The following TRAPPC9 variants were observed in gnomAD, a reference collection of about 807,000 sequenced individuals.
The protein encoded by TRAPPC9 is IKK2 binding protein.
Under a neutral mutation model 124.0 loss-of-function variants are expected in TRAPPC9, and 83 were observed. The ratio of observed to expected loss-of-function variants is 0.67; its 90% CI spans 0.56 to 0.80. The LOEUF (loss-of-function observed/expected upper bound fraction) is 0.80, where lower values mean the gene tolerates loss of function less well. Ranked by LOEUF, TRAPPC9 falls within the 30% of genes least tolerant of loss-of-function variation. TRAPPC9 has a pLI of 0.00. For missense variants in TRAPPC9, 1,302 were observed against 1,508.3 expected (o/e 0.86, Z 2.27); for synonymous variants, 638 against 617.5 (o/e 1.03, Z -0.49).
chr8:139,923,622 G>A (rs62526981), intron 19 of TRAPPC9, among the ~76,000 whole-genome samples: 37,655 of 152,138 alleles, frequency 0.25, 4,797 homozygotes, highest in East Asian at 0.39. Flanking sequence ...GACGAAGCAC[G>A]TCTGAGGAGG....
chr8:139,994,661 T>G (rs974296157), intron 18 of TRAPPC9, among the ~76,000 whole-genome samples: 1 of 152,180 alleles, frequency 6.6e-6, no homozygotes, highest in Non-Finnish European at 1.5e-5. Flanking sequence ...GTGAGTCTCT[T>G]GACATTAACA....
At chr8:140,123,639 C>G (rs554313862) in intron 17 of TRAPPC9, among the ~76,000 whole-genome samples, 1 of 152,370 alleles carries the variant, frequency 6.6e-6, no homozygotes, top group East Asian at 1.9e-4. Flanking sequence ...ATGTACTTCT[C>G]GCACATCACT....
At chr8:140,323,666 A>G (rs2066658819) in intron 9 of TRAPPC9, among the ~76,000 whole-genome samples, 1 of 152,216 alleles carries the variant, frequency 6.6e-6, no homozygotes, top group Non-Finnish European at 1.5e-5. Flanking sequence ...TCATGTTGAG[A>G]GAACAGAAAA....
At chr8:140,068,811 A>G (rs555978717) in intron 17 of TRAPPC9, among the ~76,000 whole-genome samples, 67 of 152,346 alleles carry the variant, frequency 4.4e-4, no homozygotes, top group African/African-American at 1.6e-3. Context: ...AATAAATTAA[A>G]TCAGTGAGTA....
At chr8:139,980,976 A>G (rs1043711374) in intron 19 of TRAPPC9, among the ~76,000 whole-genome samples, 5 of 152,210 alleles carry the variant, frequency 3.3e-5, no homozygotes, top group African/African-American at 1.2e-4. Flanking sequence ...TGGAAAGCCA[A>G]TCAAGTCATC....
At chr8:140,283,160 C>CCT (rs1228676019) in intron 14 of TRAPPC9, among the ~76,000 whole-genome samples, 30 of 151,892 alleles carry the variant, frequency 2.0e-4, no homozygotes, top group African/African-American at 6.5e-4. Flanking sequence ...ATCGCTTGAA[C>CCT]CTGGGAGGTG....
At chr8:140,370,823 C>T (rs1051261272) in intron 8 of TRAPPC9, 141 bp downstream of exon 8, 7 of 899,506 alleles carry the variant, frequency 7.8e-6, no homozygotes, top group Non-Finnish European at 1.3e-5. Context: ...ACAGCAGGCA[C>T]CCAACTCCAG....
chr8:139,803,309 C>G (rs963310647), intron 21 of TRAPPC9, among the ~76,000 whole-genome samples: 3 of 152,260 alleles, frequency 2.0e-5, no homozygotes, highest in African/African-American at 7.2e-5. Context: ...GTTGGAAACT[C>G]TAGAGCGGCG....
intron 17 of TRAPPC9, among the ~76,000 whole-genome samples, chr8:140,111,122 A>T (rs1297625219): frequency 6.7e-6 from 1 of 149,722 alleles, no homozygotes; most frequent in African/African-American, 2.5e-5. Flanking sequence ...CCCTTTATTC[A>T]ACTGTCCCCA....
At chr8:140,458,432 G>T (rs2071787076), upstream of TRAPPC9, 13 of 1,585,816 alleles carry the variant, frequency 8.2e-6, no homozygotes, top group Non-Finnish European at 1.1e-5. Flanking sequence ...CCACGTGGGT[G>T]GGTGACCGTG....
At chr8:140,280,939 T>C (rs2065295902) in intron 14 of TRAPPC9, among the ~76,000 whole-genome samples, 1 of 152,220 alleles carries the variant, frequency 6.6e-6, no homozygotes, top group South Asian at 2.1e-4. Context: ...GCAGCTCGCC[T>C]CTGAGGCTGG....
chr8:140,170,808 G>A (rs1228162996), intron 17 of TRAPPC9, among the ~76,000 whole-genome samples: 1 of 152,172 alleles, frequency 6.6e-6, no homozygotes, highest in Non-Finnish European at 1.5e-5. Context: ...CGCTACTCCT[G>A]TGCTGGGGTG....
chr8:140,035,811 C>T (rs572241930), intron 17 of TRAPPC9, among the ~76,000 whole-genome samples: 47 of 152,208 alleles, frequency 3.1e-4, no homozygotes, highest in Non-Finnish European at 6.5e-4. Flanking sequence ...CCTTGCTCCA[C>T]GTGAGCCCAC....
At chr8:139,817,382 G>T (rs746458126) in intron 21 of TRAPPC9, among the ~76,000 whole-genome samples, 3 of 152,200 alleles carry the variant, frequency 2.0e-5, no homozygotes. Flanking sequence ...TACATCTCAG[G>T]AGTTCCTTTT....
At chr8:140,341,186 C>G (rs2067185015) in intron 9 of TRAPPC9, among the ~76,000 whole-genome samples, 1 of 152,102 alleles carries the variant, frequency 6.6e-6, no homozygotes, top group African/African-American at 2.4e-5. Context: ...GACATGAAAA[C>G]TAAAAATTAA....
At chr8:140,197,890 C>T (rs2062705957) in intron 17 of TRAPPC9, among the ~76,000 whole-genome samples, 1 of 152,210 alleles carries the variant, frequency 6.6e-6, no homozygotes, top group Non-Finnish European at 1.5e-5. Context: ...GAACTGTCCC[C>T]TGCTAACACA....
intron 17 of TRAPPC9, among the ~76,000 whole-genome samples, chr8:140,034,780 G>A (rs979970904): frequency 6.6e-6 from 1 of 152,214 alleles, no homozygotes; most frequent in African/African-American, 2.4e-5. Context: ...ACTATCGAAA[G>A]CTTAGGGAAA....
At chr8:140,349,493 C>T (rs2067476822) in intron 9 of TRAPPC9, among the ~76,000 whole-genome samples, 2 of 150,906 alleles carry the variant, frequency 1.3e-5, no homozygotes, top group South Asian at 4.2e-4. Context: ...GGAAGGCAGA[C>T]GACCCTGGCA....
chr8:140,391,450 C>T (rs1004450832), intron 7 of TRAPPC9, among the ~76,000 whole-genome samples: 3 of 152,200 alleles, frequency 2.0e-5, no homozygotes, highest in Non-Finnish European at 2.9e-5. Context: ...CAGTGGCTCA[C>T]GCCTGTAATC....
Sources: gnomAD v4.1 joint callset for allele counts (sites outside exome capture counted in the v4.1 genomes callset) on GRCh38, gnomAD v4.1.1 for gene constraint, MANE v1.5 for transcripts, NCBI Gene and HGNC (gene_info 2026-07-23, HGNC 2026-07-21) for gene names.